The following CPM variants were observed in gnomAD, a reference collection of about 807,000 sequenced individuals.
CPM encodes carboxypeptidase M.
A neutral mutation model predicts 46.4 loss-of-function variants in CPM; 35 were observed. The observed-to-expected ratio is 0.75, with a 90% CI of 0.58 to 1.00. The LOEUF is 1.00. CPM is among the 50% of genes least tolerant of loss of function. The probability of loss-of-function intolerance (pLI) is 0.00; values close to 1 mark genes in which losing one functional copy is unlikely to be tolerated. For missense variants in CPM, 422 were observed against 530.4 expected, an observed-to-expected ratio of 0.80 and a Z score of 2.01; for synonymous variants, 195 against 195.3, an observed-to-expected ratio of 1.00 and a Z score of 0.01.
At chr12:68,941,536 G>A (rs1888761806) in intron 1 of CPM, among the ~76,000 whole-genome samples, 1 of 151,990 alleles carries the variant, frequency 6.6e-6, no homozygotes, top group Admixed American at 6.6e-5. Flanking sequence ...ACCACGCATG[G>A]CTATTTTTTT....
rs548605428 is a variant in CPM, at chr12:68,854,553, A to C, written c.*1884T>G. On this transcript the variant is annotated 3_prime_UTR_variant, in exon 9 of 9. Coordinates refer to ENST00000551568, the MANE Select transcript of CPM (RefSeq NM_198320.5). ...GGATTATGGTCAGCCAAGGCTTCCT[A>C]GTGGAGCTGCTACCTGAACTGAGTT... The C allele has an allele frequency of 1.9e-4, 29 of 152,324 alleles. No homozygotes were observed. Among genetic ancestry groups the C allele is most frequent in the African/African-American group, 6.3e-4 (26 of 41,574 alleles). 9.4% of individuals were successfully genotyped at this position (152,324 alleles called of 1,614,324 possible). A position where few individuals can be genotyped will look rare whatever the true frequency, so the allele number is the denominator to read the frequency against.
chr12:68,937,593 T>A (rs1234280445), upstream of CPM, among the ~76,000 whole-genome samples: 4 of 151,924 alleles, frequency 2.6e-5, no homozygotes, highest in Non-Finnish European at 5.9e-5. Flanking sequence ...GATCTGCATT[T>A]ATTCACTTGG....
At position 68,854,863 on chromosome 12, in the gene CPM, AT is replaced by A. The variant is rs888697391; in HGVS notation, c.*1573del. Reference sequence around the variant, plus strand: ...AATTCATCAATATTTATCAGCACCAATTTTTTTTTTTAAGACAGAGTCTCAC... The same window carrying A: ...AATTCATCAATATTTATCAGCACCAATTTTTTTTTTAAGACAGAGTCTCAC... On this transcript the variant is annotated 3_prime_UTR_variant, in exon 9 of 9. Transcript: ENST00000551568. The A allele has an allele frequency of 7.2e-3, 1,065 of 147,434 alleles. 13 individuals carry two copies. The highest frequency in any genetic ancestry group is 0.024 in the African/African-American group (975 of 40,450). The allele number at this position is 147,434 out of a possible 1,614,324, so 9.1% of individuals were successfully genotyped here. A position where few individuals can be genotyped will look rare whatever the true frequency, so the allele number is the denominator to read the frequency against.
At chr12:68,901,541 T>A (rs1304582891) in intron 2 of CPM, among the ~76,000 whole-genome samples, 1 of 152,154 alleles carries the variant, frequency 6.6e-6, no homozygotes, top group Non-Finnish European at 1.5e-5. Context: ...GGAAAAAAAA[T>A]CATGTGAAAA....
rs1885638533 is a variant in CPM at position 68,870,336 on chromosome 12, G to T, written c.495C>A (p.Val165=). Residue 165 remains valine (V), a synonymous_variant, in exon 5 of 9, where the codon GTC becomes GTA. Coordinates refer to ENST00000551568, the MANE Select transcript of CPM (RefSeq NM_198320.5). ...NFPDAFEYNN[V]SRQPETVAVM... ...CTGCCACAGTTTCAGGCTGCCTTGAGACATTATTATATTCAAAAGCATCGG... is the reference window on the plus strand; with the variant it reads ...CTGCCACAGTTTCAGGCTGCCTTGATACATTATTATATTCAAAAGCATCGG... The T allele has an allele frequency of 1.2e-6, 2 of 1,614,092 alleles. No individual in the cohort carries two copies. The highest frequency in any genetic ancestry group is 1.3e-5 in the African/African-American group (1 of 74,928).
At chr12:68,845,085 ATAAT>A (rs1472084433) in intron 5 of CPM, 1 of 218,960 alleles carries the variant, frequency 4.6e-6, no homozygotes, top group African/African-American at 2.3e-5. Flanking sequence ...GGTTTTAAAG[ATAAT>A]TAGTGTGTAG....
chr12:68,901,476 T>C (rs1887110111), intron 2 of CPM, among the ~76,000 whole-genome samples: 1 of 152,228 alleles, frequency 6.6e-6, no homozygotes, highest in Non-Finnish European at 1.5e-5. Flanking sequence ...GAAATTAGTA[T>C]GTAAACTCTC....
At chr12:68,842,917 G>T (rs1373413472) in intron 5 of CPM, 2 of 209,072 alleles carry the variant, frequency 9.6e-6, no homozygotes, top group Non-Finnish European at 1.9e-5. Flanking sequence ...CTGACAGATA[G>T]TTGGGGATGA....
intron 2 of CPM, among the ~76,000 whole-genome samples, chr12:68,895,830 T>C (rs574044334): frequency 6.6e-6 from 1 of 152,350 alleles, no homozygotes; most frequent in East Asian, 1.9e-4. Context: ...ATGAATACAC[T>C]CATTTCTATT....
chr12:68,960,696 T>C (rs1889096535), intron 1 of CPM, among the ~76,000 whole-genome samples: 1 of 152,122 alleles, frequency 6.6e-6, no homozygotes, highest in African/African-American at 2.4e-5. Context: ...ATATTAAAAA[T>C]GTCAAGATGA....
intron 5 of CPM, chr12:68,845,207 A>C (rs1884181725): frequency 1.2e-5 from 1 of 86,318 alleles, no homozygotes. Context: ...GATACTTATA[A>C]AAAGAAAAAG....
chr12:68,843,898 C>G (rs11177390), intron 5 of CPM: 4,265 of 213,866 alleles, frequency 0.02, 167 homozygotes, highest in African/African-American at 0.089. Flanking sequence ...AATATTTCAG[C>G]TAGAACCTAG....
intron 2 of CPM, among the ~76,000 whole-genome samples, chr12:68,900,845 AG>A (rs1180604495): frequency 5.3e-5 from 8 of 152,370 alleles, no homozygotes; most frequent in Admixed American, 2.6e-4. Context: ...GACAATAAAA[AG>A]ATCAGTGGTT....
At chr12:68,961,982 C>T (rs967986789) in intron 1 of CPM, among the ~76,000 whole-genome samples, 9 of 152,162 alleles carry the variant, frequency 5.9e-5, no homozygotes, top group South Asian at 2.1e-4. Context: ...GGGCGGATCA[C>T]GAGGTCAGCA....
At chr12:68,960,168 A>G (rs547891098) in intron 1 of CPM, among the ~76,000 whole-genome samples, 27 of 152,220 alleles carry the variant, frequency 1.8e-4, no homozygotes, top group Non-Finnish European at 3.1e-4. Context: ...TCTATAACAT[A>G]TGAATGCACA....
chr12:68,893,144 A>T lies in CPM; in HGVS notation c.161-7255T>A, dbSNP rs563068557. Among the ~76,000 whole-genome samples the T allele has an allele frequency of 6.3e-3, 471 of 74,942 alleles. 5 individuals are homozygous for T. Among genetic ancestry groups the T allele is most frequent in the Middle Eastern group, 0.015 (2 of 134 alleles). The allele number at this position is 74,942 out of a possible 152,430, so 49.2% of individuals were successfully genotyped here. A position where few individuals can be genotyped will look rare whatever the true frequency, so the allele number is the denominator to read the frequency against. ...GAACTTAAATTAAAAAAAAACAAAA[A>T]CTGACAAAAAAAAAAAAAGACAGTA... On this transcript the variant is annotated intron_variant, in intron 2 of 8. Coordinates refer to ENST00000551568, the MANE Select transcript of CPM (RefSeq NM_198320.5).
At chr12:68,888,890 A>G (rs568491366) in intron 2 of CPM, among the ~76,000 whole-genome samples, 8 of 152,374 alleles carry the variant, frequency 5.3e-5, no homozygotes, top group Non-Finnish European at 1.5e-5. Flanking sequence ...GCATTTGCTA[A>G]GATCTCTAAG....
rs142518632 is a variant in CPM at position 68,942,232 on chromosome 12, A to G, written c.-3-9392T>C. Among the ~76,000 whole-genome samples the G allele has an allele frequency of 4.2e-4, 64 of 152,334 alleles. 1 individual carries two copies. The highest frequency in any genetic ancestry group is 2.7e-3 in the Admixed American group (41 of 15,300). On this transcript the variant is annotated intron_variant, in intron 1 of 8. Coordinates refer to the CPM transcript ENST00000546373. The stretch of plus-strand genomic sequence containing the variant: ...ATGCAAGTTGTCTATCAAAAACCAA[A>G]CAGAGTAGTTCTTTTATTTTGGATG...
At chr12:68,909,703 G>T (rs899208868) in intron 2 of CPM, among the ~76,000 whole-genome samples, 1 of 152,016 alleles carries the variant, frequency 6.6e-6, no homozygotes, top group Admixed American at 6.6e-5. Flanking sequence ...GATGAAGCTG[G>T]AAACCATCAT....
Sources: gnomAD v4.1 joint callset for allele counts (sites outside exome capture counted in the v4.1 genomes callset) on GRCh38, gnomAD v4.1.1 for gene constraint, MANE v1.5 for transcripts, NCBI Gene and HGNC (gene_info 2026-07-23, HGNC 2026-07-21) for gene names.